Variants in IGSF10 observed in about 807,000 individuals in gnomAD.
IGSF10 encodes the protein immunoglobulin superfamily member 10.
Under a neutral mutation model 128.2 loss-of-function variants are expected in IGSF10, and 126 were observed. The observed-to-expected ratio is 0.98, with a 90% CI of 0.85 to 1.14. IGSF10 has a LOEUF of 1.14. Among genes scored for constraint, IGSF10 ranks in the 50% most tolerant of loss-of-function variants. The pLI, the probability that IGSF10 is intolerant of heterozygous loss-of-function variation, is 0.00. For synonymous variants in IGSF10, 1,185 were observed against 1,146.2 expected, an observed-to-expected ratio of 1.03 and a Z score of -0.68; for missense variants, 3,295 against 3,149.8, an observed-to-expected ratio of 1.05 and a Z score of -1.10.
the IGSF10 span, among the ~76,000 whole-genome samples, chr3:151,558,027 A>ATTATATATATAATATATATATAATATAT: frequency 3.8e-5 from 2 of 52,926 alleles, no homozygotes; most frequent in African/African-American, 1.7e-4. Flanking sequence ...TAATATATAT[A>ATTATATATATAATATATATATAATATAT]TTGGTACAAT....
At chr3:151,466,537 G>A in the IGSF10 span, among the ~76,000 whole-genome samples, 3 of 152,116 alleles carry the variant, frequency 2.0e-5, no homozygotes, top group African/African-American at 7.2e-5. Flanking sequence ...CTAATTTTAT[G>A]TATAAAAATT....
At chr3:151,604,174 T>C in the IGSF10 span, among the ~76,000 whole-genome samples, 1 of 152,180 alleles carries the variant, frequency 6.6e-6, no homozygotes, top group Non-Finnish European at 1.5e-5. Context: ...ACAAAGATGA[T>C]TCTAATTATA....
chr3:151,490,187 G>A, the IGSF10 span, among the ~76,000 whole-genome samples: 1 of 152,170 alleles, frequency 6.6e-6, no homozygotes, highest in African/African-American at 2.4e-5. Flanking sequence ...AAAGTGAAGG[G>A]ATAGAAGAAG....
chr3:151,470,547 G>T, the IGSF10 span, among the ~76,000 whole-genome samples: 1 of 152,134 alleles, frequency 6.6e-6, no homozygotes, highest in East Asian at 1.9e-4. Context: ...GCAGGCTGTT[G>T]GCCAAATAAA....
In IGSF10 at chr3:151,437,077, T is replaced by G. The variant is rs748080062; in HGVS notation, c.7484A>C (p.Glu2495Ala). The G allele has an allele frequency of 1.9e-6, 3 of 1,614,226 alleles. No homozygotes were observed. The highest frequency in any genetic ancestry group is 2.5e-6 in the Non-Finnish European group (3 of 1,180,026). Residue 2495 changes from glutamate (E) to alanine (A), a missense_variant, in exon 8 of 8, where the codon GAA (glutamate) becomes GCA (alanine). Glu to Ala is a moderately radical substitution (Grantham distance 107, BLOSUM62 -1). Transcript: ENST00000282466. Reference sequence around the variant, plus strand: ...GTTTCCTCTGTCATAAGCTGTTGCTTCTTTAATGACTAAGGTGCCATTGTC... The same window carrying G: ...GTTTCCTCTGTCATAAGCTGTTGCTGCTTTAATGACTAAGGTGCCATTGTC... ...LHDNGTLVIK[E>A]ATAYDRGNYI...
At chr3:151,550,595 T>C in the IGSF10 span, among the ~76,000 whole-genome samples, 3 of 152,202 alleles carry the variant, frequency 2.0e-5, no homozygotes, top group Admixed American at 2.0e-4. Flanking sequence ...GGATGGCACA[T>C]ATGGCTACCA....
At chr3:151,467,680 C>G in the IGSF10 span, among the ~76,000 whole-genome samples, 1 of 151,834 alleles carries the variant, frequency 6.6e-6, no homozygotes, top group South Asian at 2.1e-4. Context: ...GTCAGGAGAT[C>G]GAGACCGTCC....
the IGSF10 span, among the ~76,000 whole-genome samples, chr3:151,467,952 CTAATA>C: frequency 6.6e-6 from 1 of 151,726 alleles, no homozygotes; most frequent in Admixed American, 6.6e-5. Context: ...CATTCAATTT[CTAATA>C]TTTTTCTGCA....
chr3:151,460,017 G>A (rs1225761392), intron 2 of IGSF10, among the ~76,000 whole-genome samples: 2 of 152,134 alleles, frequency 1.3e-5, no homozygotes, highest in Non-Finnish European at 2.9e-5. Context: ...TAACCACCTG[G>A]TTACAATAAT....
the IGSF10 span, among the ~76,000 whole-genome samples, chr3:151,579,634 G>A: frequency 6.6e-6 from 1 of 151,796 alleles, no homozygotes; most frequent in Non-Finnish European, 1.5e-5. Flanking sequence ...TTCAAAAACT[G>A]TGGGGCAATG....
At chr3:151,472,517 AC>A in the IGSF10 span, among the ~76,000 whole-genome samples, 1 of 152,184 alleles carries the variant, frequency 6.6e-6, no homozygotes, top group Non-Finnish European at 1.5e-5. Context: ...GGTTGAAAGA[AC>A]AAACGTCATA....
At chr3:151,612,592 T>A in the IGSF10 span, among the ~76,000 whole-genome samples, 1 of 152,178 alleles carries the variant, frequency 6.6e-6, no homozygotes, top group African/African-American at 2.4e-5. Flanking sequence ...AATAGATATC[T>A]GCAGCCAACT....
the IGSF10 span, among the ~76,000 whole-genome samples, chr3:151,566,513 G>A: frequency 1.3e-5 from 2 of 152,150 alleles, no homozygotes; most frequent in Admixed American, 6.5e-5. Flanking sequence ...CCTGCTTTGG[G>A]TCCCAGGCTG....
At chr3:151,490,908 C>A in the IGSF10 span, among the ~76,000 whole-genome samples, 3 of 151,962 alleles carry the variant, frequency 2.0e-5, no homozygotes, top group East Asian at 5.8e-4. Flanking sequence ...GCATTAAATA[C>A]CTACATTAAA....
At chr3:151,469,219 A>G in the IGSF10 span, among the ~76,000 whole-genome samples, 3 of 152,198 alleles carry the variant, frequency 2.0e-5, no homozygotes, top group Non-Finnish European at 4.4e-5. Flanking sequence ...GTATCTTTAT[A>G]ATAGAATGAT....
rs763865273 is a variant in IGSF10, at chr3:151,437,681, T to G, written c.6880A>C (p.Lys2294Gln). ...TTCCTAATTTCCAAGGTTCCATTTTTATGGACTGTGATTCTGCTTCCATAG... is the reference window on the plus strand; with the variant it reads ...TTCCTAATTTCCAAGGTTCCATTTTGATGGACTGTGATTCTGCTTCCATAG... ...PYYGSRITVH[K>Q]NGTLEIRNVR... The change falls in exon 8 of 8, where the codon AAA becomes CAA. Residue 2294 changes from lysine (K) to glutamine (Q), a missense_variant. By Grantham distance (53) the Lys-to-Gln change is moderately conservative. Coordinates refer to ENST00000282466, the MANE Select transcript of IGSF10 (RefSeq NM_178822.5). 2.5e-6 allele frequency: 4 copies of G among 1,614,200 alleles called. No individual in the cohort carries two copies. The highest frequency in any genetic ancestry group is 3.4e-6 in the Non-Finnish European group (4 of 1,180,036).
the IGSF10 span, chr3:151,565,818 C>G: frequency 6.6e-6 from 1 of 151,898 alleles, no homozygotes; most frequent in African/African-American, 2.4e-5. Flanking sequence ...CAGATAGATA[C>G]GAGAGTGATA....
the IGSF10 span, among the ~76,000 whole-genome samples, chr3:151,547,756 C>G: frequency 6.6e-6 from 1 of 152,108 alleles, no homozygotes; most frequent in Non-Finnish European, 1.5e-5. Context: ...GCATGGGAGA[C>G]AAATGCTCCT....
the IGSF10 span, among the ~76,000 whole-genome samples, chr3:151,523,128 C>T: frequency 6.6e-6 from 1 of 152,050 alleles, no homozygotes; most frequent in Non-Finnish European, 1.5e-5. Context: ...AAGGTTTCTA[C>T]AATGAGAATT....
Sources: gnomAD v4.1 joint callset for allele counts (sites outside exome capture counted in the v4.1 genomes callset) on GRCh38, gnomAD v4.1.1 for gene constraint, MANE v1.5 for transcripts, NCBI Gene and HGNC (gene_info 2026-07-23, HGNC 2026-07-21) for gene names.